The following QRSL1 variants were observed in gnomAD, a reference collection of about 807,000 sequenced individuals.
QRSL1 encodes glutamyl-tRNA(Gln) amidotransferase subunit A, mitochondrial.
In QRSL1, 54 loss-of-function variants were observed where a neutral mutation model predicts 61.6. The ratio of observed to expected loss-of-function variants is 0.88; its 90% CI spans 0.70 to 1.10. The LOEUF is 1.10. Ranked by LOEUF, QRSL1 falls within the 50% of genes least tolerant of loss-of-function variation. QRSL1 has a pLI of 0.00. For missense variants in QRSL1, 505 were observed against 622.6 expected (o/e 0.81, Z 2.01); for synonymous variants, 228 against 225.7 (o/e 1.01, Z -0.09).
intron 1 of QRSL1, among the ~76,000 whole-genome samples, chr6:106,636,199 T>C (rs1027405693): frequency 6.6e-6 from 1 of 152,010 alleles, no homozygotes; most frequent in Non-Finnish European, 1.5e-5. Context: ...ATCCGAAATC[T>C]AAACACTTCT....
At chr6:106,630,463 A>C (rs1256291275) in intron 1 of QRSL1, among the ~76,000 whole-genome samples, 2 of 152,188 alleles carry the variant, frequency 1.3e-5, no homozygotes, top group Non-Finnish European at 2.9e-5. Context: ...AGCCCTCTTC[A>C]TTCTATCTTG....
rs561767412 is a variant in QRSL1 at position 106,632,947 on chromosome 6, T to C, written c.24+3242T>C. On this transcript the variant is annotated intron_variant, in intron 1 of 10. Coordinates refer to ENST00000369046, the MANE Select transcript of QRSL1 (RefSeq NM_018292.5). ...TCTTGACCTTCCTTGGCTCCATTTG[T>C]CAGGATTTTAACACAAGTCACTCTA... Among the ~76,000 whole-genome samples the C allele has an allele frequency of 5.3e-5, 8 of 152,332 alleles. 1 individual carries two copies. The South Asian group carries it at 1.7e-3, about 32-fold the overall frequency.
rs112167357 is a variant in QRSL1, at chr6:106,634,739, T to C, written c.24+5034T>C. Among the ~76,000 whole-genome samples, 509 of 151,750 alleles carry C rather than the reference T, an allele frequency of 3.4e-3. 5 individuals carry two copies. Among genetic ancestry groups the C allele is most frequent in the African/African-American group, 0.012 (477 of 41,360 alleles). ...CGAGATCACATCCGTGCACTCCAGGTTTGGCAACAGAGCAAGGCCCTGTCT... is the reference window on the plus strand; with the variant it reads ...CGAGATCACATCCGTGCACTCCAGGCTTGGCAACAGAGCAAGGCCCTGTCT... On this transcript the variant is annotated intron_variant, in intron 1 of 10. Coordinates refer to ENST00000369046, the MANE Select transcript of QRSL1 (RefSeq NM_018292.5).
At chr6:106,658,113 T>A (rs1302356541) in intron 9 of QRSL1, among the ~76,000 whole-genome samples, 1 of 152,158 alleles carries the variant, frequency 6.6e-6, no homozygotes, top group Non-Finnish European at 1.5e-5. Context: ...TCTTTTAACC[T>A]TTTCTTCTGC....
At chr6:106,631,909 TTCTG>T (rs1240476757) in intron 1 of QRSL1, among the ~76,000 whole-genome samples, 2 of 152,230 alleles carry the variant, frequency 1.3e-5, no homozygotes, top group African/African-American at 4.8e-5. Context: ...ATCTTATTCA[TTCTG>T]TCTAACTATA....
chr6:106,651,521 T>C (rs1414569295), intron 5 of QRSL1, among the ~76,000 whole-genome samples: 2 of 152,208 alleles, frequency 1.3e-5, no homozygotes, highest in African/African-American at 4.8e-5. Context: ...CTAAGTCTAC[T>C]TCTTGGAAGC....
intron 10 of QRSL1, among the ~76,000 whole-genome samples, chr6:106,663,903 TAACATTATATTTGCTTTG>T (rs1777397027): frequency 6.6e-6 from 1 of 152,154 alleles, no homozygotes; most frequent in Non-Finnish European, 1.5e-5. Context: ...GTAATCTTGT[TAACATTATATTTGCTTTG>T]CCCTTCTCTT....
intron 9 of QRSL1, among the ~76,000 whole-genome samples, chr6:106,660,152 G>A (rs1777333168): frequency 6.6e-6 from 1 of 151,476 alleles, no homozygotes; most frequent in African/African-American, 2.4e-5. Flanking sequence ...CCTGAAAACT[G>A]CCCCTAGGCA....
intron 4 of QRSL1, among the ~76,000 whole-genome samples, chr6:106,645,381 T>C (rs745499165): frequency 6.6e-6 from 1 of 152,172 alleles, no homozygotes; most frequent in Non-Finnish European, 1.5e-5. Context: ...TTCCTGCATA[T>C]AAATTGTACA....
intron 1 of QRSL1, 111 bp downstream of exon 1, chr6:106,629,816 C>G: frequency 7.5e-7 from 1 of 1,329,988 alleles, no homozygotes; most frequent in Non-Finnish European, 1.0e-6. Flanking sequence ...TCGCTGCTTC[C>G]TCTAGAACTG....
chr6:106,653,845 A>G (rs998733231), intron 7 of QRSL1: 12 of 151,402 alleles, frequency 7.9e-5, no homozygotes, highest in Admixed American at 2.0e-4. Flanking sequence ...AAAAAAAAGA[A>G]GGCAATATCT....
chr6:106,635,283 A>G (rs1361497561), intron 1 of QRSL1, among the ~76,000 whole-genome samples: 1 of 152,204 alleles, frequency 6.6e-6, no homozygotes. Context: ...CCAGTGAGAC[A>G]GGAGGAAAAC....
At chr6:106,655,756 T>G in intron 9 of QRSL1, 24 bp downstream of exon 9, 4 of 1,442,618 alleles carry the variant, frequency 2.8e-6, no homozygotes, top group Non-Finnish European at 3.9e-6. Flanking sequence ...TTTAGGAATT[T>G]TCTTCATTCT....
intron 1 of QRSL1, among the ~76,000 whole-genome samples, chr6:106,630,201 T>C (rs1222759921): frequency 6.6e-6 from 1 of 152,220 alleles, no homozygotes; most frequent in Non-Finnish European, 1.5e-5. Flanking sequence ...CTCCATGTCC[T>C]GGACGTCGTG....
chr6:106,662,398 C>T (rs1461460307), intron 9 of QRSL1, among the ~76,000 whole-genome samples: 1 of 151,890 alleles, frequency 6.6e-6, no homozygotes, highest in Non-Finnish European at 1.5e-5. Context: ...TATATACAAA[C>T]TTTTAGAGTG....
intron 9 of QRSL1, among the ~76,000 whole-genome samples, chr6:106,661,680 T>C (rs2114718233): frequency 7.6e-6 from 1 of 131,792 alleles, no homozygotes; most frequent in East Asian, 2.3e-4. Context: ...AAAAGAATGG[T>C]TAGTTCTTTT....
At chr6:106,654,691 A>C in intron 7 of QRSL1, 39 bp from the exon 8 acceptor site, 2 of 1,533,916 alleles carry the variant, frequency 1.3e-6, no homozygotes, top group Non-Finnish European at 1.8e-6. Context: ...AAAATAATCT[A>C]TACAGTTCCA....
At chr6:106,646,508 G>C (rs1777106747) in intron 4 of QRSL1, among the ~76,000 whole-genome samples, 1 of 152,054 alleles carries the variant, frequency 6.6e-6, no homozygotes, top group African/African-American at 2.4e-5. Context: ...TCAAGAAAAT[G>C]TAGGGGATGC....
At chr6:106,654,423 T>A (rs1777235930) in intron 7 of QRSL1, among the ~76,000 whole-genome samples, 1 of 152,084 alleles carries the variant, frequency 6.6e-6, no homozygotes, top group African/African-American at 2.4e-5. Context: ...TGATATATGC[T>A]GATATGCTGT....
Sources: allele counts gnomAD v4.1 joint callset (sites outside exome capture counted in the v4.1 genomes callset), GRCh38; gene constraint gnomAD v4.1.1; transcripts MANE v1.5; gene names NCBI Gene and HGNC (gene_info 2026-07-23, HGNC 2026-07-21).